Variants in SOX5 observed in about 807,000 individuals in gnomAD.
SOX5 encodes the protein transcription factor SOX-5.
Under a neutral mutation model 92.0 loss-of-function variants are expected in SOX5, and 9 were observed. The ratio of observed to expected loss-of-function variants is 0.10; its 90% CI spans 0.06 to 0.17. The LOEUF (loss-of-function observed/expected upper bound fraction) is 0.17. Ranked by LOEUF, SOX5 falls within the 10% of genes least tolerant of loss-of-function variation. SOX5 has a pLI of 1.00. For missense variants in SOX5, 642 were observed against 944.5 expected, an observed-to-expected ratio of 0.68 and a Z score of 4.20; for synonymous variants, 344 against 336.3, an observed-to-expected ratio of 1.02 and a Z score of -0.25.
chr12:23,962,620 A>G (rs781741754), intron 4 of SOX5, among the ~76,000 whole-genome samples: 1 of 152,208 alleles, frequency 6.6e-6, no homozygotes, highest in African/African-American at 2.4e-5. Flanking sequence ...TAATGGCAAT[A>G]ATCCTGTCAA....
chr12:23,985,839 T>C (rs1041458539), intron 4 of SOX5, among the ~76,000 whole-genome samples: 1 of 152,156 alleles, frequency 6.6e-6, no homozygotes, highest in African/African-American at 2.4e-5. Flanking sequence ...GGTTGTATTC[T>C]TTTCTGGAAG....
chr12:24,364,222 A>G (rs1955902911), intron 2 of SOX5, among the ~76,000 whole-genome samples: 1 of 152,110 alleles, frequency 6.6e-6, no homozygotes, highest in Non-Finnish European at 1.5e-5. Flanking sequence ...TGGGGTTCTC[A>G]ATGAAACTCA....
At chr12:24,155,429 C>A (rs1952066973) in intron 4 of SOX5, among the ~76,000 whole-genome samples, 1 of 151,908 alleles carries the variant, frequency 6.6e-6, no homozygotes, top group African/African-American at 2.4e-5. Flanking sequence ...ACATTGTTTC[C>A]ATAATTTTGC....
chr12:24,419,356 T>C (rs1965556284), intron 1 of SOX5, among the ~76,000 whole-genome samples: 1 of 152,154 alleles, frequency 6.6e-6, no homozygotes, highest in Non-Finnish European at 1.5e-5. Flanking sequence ...GCCAGGCTGG[T>C]CTCAATCTCC....
At chr12:23,874,836 C>A (rs1387327507) in intron 2 of SOX5, among the ~76,000 whole-genome samples, 1 of 152,208 alleles carries the variant, frequency 6.6e-6, no homozygotes, top group South Asian at 2.1e-4. Flanking sequence ...CTACCTACAG[C>A]AAAGTCCTCG....
chr12:24,555,171 G>C (rs1291512446), intron 1 of SOX5, among the ~76,000 whole-genome samples: 1 of 152,188 alleles, frequency 6.6e-6, no homozygotes, highest in African/African-American at 2.4e-5. Context: ...CAGTAACACA[G>C]GGGAGCAAAG....
At chr12:24,435,836 T>C (rs1939322219) in intron 1 of SOX5, among the ~76,000 whole-genome samples, 1 of 152,192 alleles carries the variant, frequency 6.6e-6, no homozygotes, top group Non-Finnish European at 1.5e-5. Context: ...GACACAATTT[T>C]CCCAACAACA....
At chr12:24,359,307 A>G (rs1386165440) in intron 2 of SOX5, among the ~76,000 whole-genome samples, 1 of 152,164 alleles carries the variant, frequency 6.6e-6, no homozygotes, top group Non-Finnish European at 1.5e-5. Context: ...GGTGCAGAGG[A>G]TTACTCATGA....
intron 9 of SOX5, among the ~76,000 whole-genome samples, chr12:23,597,009 T>C (rs1245176441): frequency 6.6e-6 from 1 of 152,226 alleles, no homozygotes; most frequent in Non-Finnish European, 1.5e-5. Flanking sequence ...GATTTTTAGA[T>C]GGTGAAATCT....
intron 4 of SOX5, among the ~76,000 whole-genome samples, chr12:24,103,856 C>T (rs891964310): frequency 2.6e-5 from 4 of 152,092 alleles, no homozygotes; most frequent in South Asian, 2.1e-4. Flanking sequence ...CTCATTAACA[C>T]GGTCTTCTTC....
intron 4 of SOX5, among the ~76,000 whole-genome samples, chr12:24,163,215 G>A (rs1394230065): frequency 1.3e-5 from 2 of 152,122 alleles, no homozygotes; most frequent in Non-Finnish European, 2.9e-5. Context: ...AGGGCTTTCA[G>A]AAATGACCTA....
rs12309145 is a variant in SOX5 at position 24,170,814 on chromosome 12, C to T, written c.-2+42529G>A. Among the ~76,000 whole-genome samples the T allele has an allele frequency of 4.0e-3, 609 of 152,266 alleles. 3 individuals carry two copies. Among genetic ancestry groups the T allele is most frequent in the African/African-American group, 0.013 (560 of 41,552 alleles). On this transcript the variant is annotated intron_variant, in intron 4 of 4. Coordinates refer to the SOX5 transcript ENST00000446891. ...TGGATTCAGAGGACACAGAATATTG[C>T]GGTGCCACTAATGAGACGCCTTGGC...
chr12:24,419,959 T>C (rs1483069192), intron 1 of SOX5, among the ~76,000 whole-genome samples: 1 of 152,254 alleles, frequency 6.6e-6, no homozygotes, highest in Non-Finnish European at 1.5e-5. Flanking sequence ...GAAAGAAGAC[T>C]CTGCTATGGC....
chr12:24,268,147 G>C lies in SOX5; in HGVS notation c.-77+9069C>G, dbSNP rs139690351. On this transcript the variant is annotated intron_variant, in intron 3 of 4. Coordinates refer to the SOX5 transcript ENST00000446891. ...AATTAACTCCATAATTCAAAAGTGT[G>C]CTAGTAAAACTCTCCCAGTGAATTA... Among the ~76,000 whole-genome samples the C allele has an allele frequency of 4.8e-3, 733 of 152,262 alleles. 7 individuals are homozygous for C. Among genetic ancestry groups the C allele is most frequent in the African/African-American group, 0.016 (685 of 41,546 alleles).
intron 2 of SOX5, among the ~76,000 whole-genome samples, chr12:23,857,018 G>C (rs2096700231): frequency 6.6e-6 from 1 of 152,074 alleles, no homozygotes; most frequent in Admixed American, 6.6e-5. Context: ...TTCATGTATA[G>C]AGAGTCATTT....
At chr12:24,061,745 A>G (rs1457165525) in intron 4 of SOX5, among the ~76,000 whole-genome samples, 1 of 93,262 alleles carries the variant, frequency 1.1e-5, no homozygotes. Context: ...AATATGACAG[A>G]AAAAAAAAAA....
intron 1 of SOX5, chr12:23,920,757 CAT>C (rs774050456): frequency 3.9e-5 from 6 of 151,974 alleles, no homozygotes; most frequent in Non-Finnish European, 8.8e-5. Flanking sequence ...CTGAATTTTC[CAT>C]AGTTACTTAA....
At chr12:24,428,013 G>T (rs996503159) in intron 1 of SOX5, among the ~76,000 whole-genome samples, 13 of 152,240 alleles carry the variant, frequency 8.5e-5, no homozygotes, top group African/African-American at 3.1e-4. Context: ...GGTGTGTGCT[G>T]ACAAACCTCC....
In SOX5 at chr12:23,908,116, T is replaced by C. The variant is rs569734912; in HGVS notation, c.39-12092A>G. 9.2e-5 allele frequency among the ~76,000 whole-genome samples: 14 copies of C among 152,254 alleles called. No homozygotes were observed. The South Asian group carries it at 2.9e-3, about 32-fold the overall frequency. On this transcript the variant is annotated intron_variant, in intron 1 of 14. Coordinates refer to ENST00000451604, the MANE Select transcript of SOX5 (RefSeq NM_006940.6). ...GCATGGTCTACGTCTTGAAATAAAA[T>C]CTGTGGCATGTTTAATTTATTTAGG...
Sources: allele counts gnomAD v4.1 joint callset (sites outside exome capture counted in the v4.1 genomes callset), GRCh38; gene constraint gnomAD v4.1.1; transcripts MANE v1.5; gene names NCBI Gene and HGNC (gene_info 2026-07-23, HGNC 2026-07-21).